WDR20: variants seen among roughly 807,000 people sequenced by gnomAD.
WDR20 encodes the protein WD repeat domain 20.
In WDR20, 3 loss-of-function variants were observed where a neutral mutation model predicts 38.7. The ratio of observed to expected loss-of-function variants is 0.08; its 90% CI spans 0.04 to 0.20. The LOEUF (loss-of-function observed/expected upper bound fraction) is 0.20. Ranked by LOEUF, WDR20 falls within the 10% of genes least tolerant of loss-of-function variation. WDR20 has a pLI of 1.00. For missense variants in WDR20, 559 were observed against 727.7 expected (o/e 0.77, Z 2.67); for synonymous variants, 298 against 285.6 (o/e 1.04, Z -0.44).
chr14:102,157,520 C>G lies in WDR20; in HGVS notation c.249+17348C>G, dbSNP rs45566837. ...TTTTTCTTCTTCCTGATCATTCTTG[C>G]TGCCCTAACTAGAGGGCAGAATACA... is the stretch of plus-strand genomic sequence containing the variant. On this transcript the variant is annotated intron_variant, in intron 1 of 2. Coordinates refer to ENST00000342702, the MANE Select transcript of WDR20 (RefSeq NM_144574.4). Among the ~76,000 whole-genome samples, 565 of 152,258 alleles carry G rather than the reference C, an allele frequency of 3.7e-3. 4 individuals carry two copies. The highest frequency in any genetic ancestry group is 6.2e-3 in the Non-Finnish European group (419 of 68,026).
At chr14:102,202,499 C>G (rs1445623941) in intron 2 of WDR20, among the ~76,000 whole-genome samples, 1 of 151,308 alleles carries the variant, frequency 6.6e-6, no homozygotes, top group South Asian at 2.1e-4. Context: ...TCCTGCCTCA[C>G]CACCTGAGTA....
Position 102,221,399 on chromosome 14 carries a change from T to C in WDR20, c.1693-1431T>C, listed in dbSNP as rs1297846966. Among the ~76,000 whole-genome samples the C allele has an allele frequency of 6.6e-6, 1 of 152,332 alleles. No individual in the cohort carries two copies. The highest frequency in any genetic ancestry group is 1.5e-5 in the Non-Finnish European group (1 of 68,036). ...GCGTGGTGATGAAGGCAGAGTGTCC[T>C]GTGTGAGAGGCTTCCTTCCTCCAGA... On this transcript the variant is annotated intron_variant, in intron 3 of 3. Transcript: ENST00000335263. The surrounding 1 kb of genome is among the most constrained non-coding windows in gnomAD (Gnocchi z 4.8).
chr14:102,191,830 C>T (rs1200798553), intron 1 of WDR20, among the ~76,000 whole-genome samples: 1 of 152,038 alleles, frequency 6.6e-6, no homozygotes, highest in East Asian at 1.9e-4. Flanking sequence ...TTTGTGTCTT[C>T]TAGACAGTGC....
intron 1 of WDR20, among the ~76,000 whole-genome samples, chr14:102,162,517 AT>A (rs2058952627): frequency 6.6e-6 from 1 of 152,200 alleles, no homozygotes; most frequent in East Asian, 1.9e-4. Context: ...ATTTGTTGAA[AT>A]TATAGTCCTC....
chr14:102,166,777 G>A lies in WDR20; in HGVS notation c.249+26605G>A, dbSNP rs561857381. The stretch of plus-strand genomic sequence containing the variant: ...TTACTGTCTTGTCACTCATGAGACT[G>A]TCTTTTCCTTTACCTCACTCCCTCC... On this transcript the variant is annotated intron_variant, in intron 1 of 2. Coordinates refer to ENST00000342702, the MANE Select transcript of WDR20 (RefSeq NM_144574.4). Among the ~76,000 whole-genome samples the A allele has an allele frequency of 4.6e-5, 7 of 152,262 alleles. No individual in the cohort carries two copies. The East Asian group carries it at 1.2e-3, about 25-fold the overall frequency.
At chr14:102,141,553 T>G (rs887084124) in intron 1 of WDR20, among the ~76,000 whole-genome samples, 2 of 152,180 alleles carry the variant, frequency 1.3e-5, no homozygotes, top group Non-Finnish European at 2.9e-5. Flanking sequence ...GGCTGAAGTT[T>G]TACTCCTACT....
chr14:102,153,088 G>A (rs2056455376), intron 1 of WDR20, among the ~76,000 whole-genome samples: 1 of 152,082 alleles, frequency 6.6e-6, no homozygotes, highest in East Asian at 1.9e-4. Flanking sequence ...CTGCCCTCAC[G>A]CTAGTGAGTA....
chr14:102,192,997 CTA>C (rs1491122055), intron 1 of WDR20, among the ~76,000 whole-genome samples: 2 of 140,508 alleles, frequency 1.4e-5, no homozygotes, highest in Non-Finnish European at 3.0e-5. Flanking sequence ...CTTAAGCAAA[CTA>C]AAAAAAAAAA....
chr14:102,149,066 G>A (rs566882077), intron 1 of WDR20, among the ~76,000 whole-genome samples: 13 of 152,276 alleles, frequency 8.5e-5, no homozygotes, highest in African/African-American at 3.1e-4. Flanking sequence ...GGAAGGCTGA[G>A]GCAGGAGAAT....
rs201974605 is a variant in WDR20, at chr14:102,209,234, G to A, written c.1064G>A (p.Arg355Gln). 2.0e-5 allele frequency: 33 copies of A among 1,614,144 alleles called. No individual in the cohort carries two copies. Among genetic ancestry groups the A allele is most frequent in the South Asian group, 8.8e-5 (8 of 91,078 alleles). The change falls in exon 3 of 3, where the codon CGG (arginine) becomes CAG (glutamine). Residue 355 changes from arginine to glutamine, a missense_variant. Arg to Gln is a conservative substitution (Grantham distance 43). Transcript: ENST00000342702. The surrounding 1 kb of genome is among the most constrained non-coding windows in gnomAD (Gnocchi z 6.0). ...ANSTQSRLSK[R>Q]NSTDSRPVSV... The stretch of plus-strand genomic sequence containing the variant: ...AGTACACAGTCCAGGCTCTCCAAAC[G>A]GAACTCTACAGACAGCCGCCCCGTA...
chr14:102,182,521 A>G (rs2063591752), intron 1 of WDR20, among the ~76,000 whole-genome samples: 1 of 150,404 alleles, frequency 6.6e-6, no homozygotes, highest in Non-Finnish European at 1.5e-5. Flanking sequence ...TTGATGATAT[A>G]TCATTCCCAT....
chr14:102,174,291 T>C (rs2077449566), intron 1 of WDR20, among the ~76,000 whole-genome samples: 1 of 152,208 alleles, frequency 6.6e-6, no homozygotes, highest in African/African-American at 2.4e-5. Flanking sequence ...ATGGAAGATC[T>C]ACTTTTAGTT....
intron 1 of WDR20, among the ~76,000 whole-genome samples, chr14:102,171,059 A>G (rs545960201): frequency 4.6e-5 from 7 of 151,798 alleles, no homozygotes; most frequent in East Asian, 1.9e-4. Context: ...TCTCCCAGCA[A>G]TTCTGTCTCA....
At chr14:102,187,467 C>CT (rs1351115583) in intron 1 of WDR20, among the ~76,000 whole-genome samples, 2 of 150,920 alleles carry the variant, frequency 1.3e-5, no homozygotes, top group Non-Finnish European at 2.9e-5. Flanking sequence ...GGATAGGGGA[C>CT]TTTTTTTGGG....
Position 102,197,391 on chromosome 14 carries a change from T to C in WDR20, c.432+2271T>C, listed in dbSNP as rs543198162. ...AGGGCTAGCTGCCGCAGGAATTCTTTAGTATGCATTTTAAAGTTTTTTAAA... is the reference window on the plus strand; with the variant it reads ...AGGGCTAGCTGCCGCAGGAATTCTTCAGTATGCATTTTAAAGTTTTTTAAA... On this transcript the variant is annotated intron_variant, in intron 2 of 2. Coordinates refer to ENST00000342702, the MANE Select transcript of WDR20 (RefSeq NM_144574.4). 2.0e-4 allele frequency among the ~76,000 whole-genome samples: 30 copies of C among 152,348 alleles called. No homozygotes were observed. The South Asian group carries it at 5.8e-3, about 29-fold the overall frequency.
chr14:102,179,719 A>G lies in WDR20; in HGVS notation c.250-15219A>G, dbSNP rs1012841106. Among the ~76,000 whole-genome samples, 16 of 152,238 alleles carry G rather than the reference A, an allele frequency of 1.1e-4. No homozygotes were observed. The East Asian group carries it at 1.3e-3, about 13-fold the overall frequency. ...CAAATCCCTCCCCTCATATTTGTAC[A>G]TACATTTTCCAACAGGTGGCTAAAT... On this transcript the variant is annotated intron_variant, in intron 1 of 2. Transcript: ENST00000342702.
chr14:102,143,242 G>C (rs550893296), intron 1 of WDR20, among the ~76,000 whole-genome samples: 5 of 152,140 alleles, frequency 3.3e-5, no homozygotes, highest in Middle Eastern at 3.2e-3. Context: ...TATATACTCC[G>C]AGCACTTCAG....
chr14:102,224,036 GATT>G (rs1481176002), downstream of WDR20, among the ~76,000 whole-genome samples: 30 of 139,510 alleles, frequency 2.2e-4, no homozygotes, highest in Non-Finnish European at 3.3e-4. Context: ...GTTTACCTGA[GATT>G]TTTTTTTTTT....
Position 102,159,688 on chromosome 14 carries a change from A to G in WDR20, c.249+19516A>G, listed in dbSNP as rs1323026515. Among the ~76,000 whole-genome samples the G allele has an allele frequency of 2.6e-5, 4 of 151,446 alleles. 1 individual carries two copies. Among genetic ancestry groups the G allele is most frequent in the Admixed American group, 1.3e-4 (2 of 15,208 alleles). The stretch of plus-strand genomic sequence containing the variant: ...CTATTAAAATTTTTTGAAAAGATCA[A>G]CGAGGAGTGGTGACCTGTGCCTGTA... On this transcript the variant is annotated intron_variant, in intron 1 of 2. Coordinates refer to ENST00000342702, the MANE Select transcript of WDR20 (RefSeq NM_144574.4).
Sources: gnomAD v4.1 joint callset for allele counts (sites outside exome capture counted in the v4.1 genomes callset) on GRCh38, gnomAD v4.1.1 for gene constraint, Gnocchi (gnomAD v3.1) non-coding constraint, MANE v1.5 for transcripts, NCBI Gene and HGNC (gene_info 2026-07-23, HGNC 2026-07-21) for gene names.